VTI1A: variants seen among roughly 807,000 people sequenced by gnomAD.
The protein encoded by VTI1A is vesicle transport through interaction with t-SNAREs homolog 1A.
VTI1A carries 22 observed loss-of-function variants against 34.9 expected under a neutral mutation model. The ratio of observed to expected loss-of-function variants is 0.63; its 90% CI spans 0.45 to 0.90. VTI1A has a LOEUF of 0.90. Ranked by LOEUF, VTI1A falls within the 40% of genes least tolerant of loss-of-function variation. VTI1A has a pLI of 0.00. For missense variants in VTI1A, 268 were observed against 275.6 expected (o/e 0.97, Z 0.20); for synonymous variants, 87 against 97.3 (o/e 0.89, Z 0.62).
chr10:112,715,287 C>G (rs1378440046), intron 7 of VTI1A, among the ~76,000 whole-genome samples: 1 of 152,018 alleles, frequency 6.6e-6, no homozygotes, highest in African/African-American at 2.4e-5. Flanking sequence ...AATGAATAAT[C>G]TAAACACTGA....
intron 7 of VTI1A, among the ~76,000 whole-genome samples, chr10:112,759,502 C>T (rs1194995980): frequency 6.6e-6 from 1 of 152,172 alleles, no homozygotes; most frequent in South Asian, 2.1e-4. Flanking sequence ...ACCGAACCAA[C>T]GTTTAGCGAC....
chr10:112,486,624 T>C (rs943167351), intron 3 of VTI1A, among the ~76,000 whole-genome samples: 1 of 64,940 alleles, frequency 1.5e-5, no homozygotes, highest in Non-Finnish European at 3.7e-5. Flanking sequence ...CTGTACACAA[T>C]AATCATTAGA....
rs529974663 is a variant in VTI1A at position 112,616,084 on chromosome 10, A to G, written c.428-52134A>G. On this transcript the variant is annotated intron_variant, in intron 5 of 7. Coordinates refer to ENST00000393077, the MANE Select transcript of VTI1A (RefSeq NM_145206.4). Reference sequence around the variant, plus strand: ...ATTACTGGATATTAGATAAAAGTTTAAACATATTATTTAATGCATTGAAGG... The same window carrying G: ...ATTACTGGATATTAGATAAAAGTTTGAACATATTATTTAATGCATTGAAGG... 9.2e-5 allele frequency among the ~76,000 whole-genome samples: 14 copies of G among 152,324 alleles called. No homozygotes were observed. In the South Asian group the frequency reaches 2.9e-3, roughly 32 times the overall value.
intron 7 of VTI1A, among the ~76,000 whole-genome samples, chr10:112,761,456 C>G (rs140785125): frequency 6.6e-6 from 1 of 152,112 alleles, no homozygotes; most frequent in Non-Finnish European, 1.5e-5. Context: ...AGGAAAAAGC[C>G]TTGTTTGCTT....
At chr10:112,533,972 TC>T (rs1726828127) in intron 4 of VTI1A, among the ~76,000 whole-genome samples, 1 of 152,022 alleles carries the variant, frequency 6.6e-6, no homozygotes, top group South Asian at 2.1e-4. Context: ...TAAACTCCTT[TC>T]CCCCACCCAA....
At chr10:112,624,823 A>C (rs1036642731) in intron 5 of VTI1A, among the ~76,000 whole-genome samples, 1 of 152,190 alleles carries the variant, frequency 6.6e-6, no homozygotes, top group Non-Finnish European at 1.5e-5. Flanking sequence ...AGGGCCGGGC[A>C]TGGTAGCGCA....
chr10:112,538,273 A>C lies in VTI1A; in HGVS notation c.370A>C (p.Arg124=). 14 of 1,613,320 alleles carry C rather than the reference A, an allele frequency of 8.7e-6. No individual in the cohort carries two copies. The highest frequency in any genetic ancestry group is 1.1e-5 in the Non-Finnish European group (13 of 1,179,748). ...GGCACATCTGCTCGATAACACAGAG[A>C]GGCTGGAAAGGTCATCTCGGAGACT... The part of the protein sequence containing the change: ...QRAHLLDNTE[R]LERSSRRLEA... The change falls in exon 5 of 8, where the codon AGG becomes CGG. Residue 124 remains arginine, a synonymous_variant. Transcript: ENST00000393077.
Position 112,750,920 on chromosome 10 carries a change from A to G in VTI1A, c.561-64370A>G, listed in dbSNP as rs185984841. ...GTATCTCACTATCTTTGAGATAACAAAGGTTTCCACAGACACACGTACCAC... is the reference window on the plus strand; with the variant it reads ...GTATCTCACTATCTTTGAGATAACAGAGGTTTCCACAGACACACGTACCAC... On this transcript the variant is annotated intron_variant, in intron 7 of 7. Transcript: ENST00000393077. Among the ~76,000 whole-genome samples, 251 of 152,338 alleles carry G rather than the reference A, an allele frequency of 1.6e-3. 1 individual carries two copies. Among genetic ancestry groups the G allele is most frequent in the Admixed American group, 3.4e-3 (52 of 15,312 alleles).
At chr10:112,779,757 GGAAAA>G (rs1852058366) in intron 7 of VTI1A, among the ~76,000 whole-genome samples, 1 of 151,802 alleles carries the variant, frequency 6.6e-6, no homozygotes, top group Admixed American at 6.6e-5. Flanking sequence ...TAGAATAATC[GGAAAA>G]TAGGCATCTG....
At chr10:112,481,293 A>G (rs2134097407) in intron 3 of VTI1A, among the ~76,000 whole-genome samples, 1 of 152,320 alleles carries the variant, frequency 6.6e-6, no homozygotes, top group East Asian at 1.9e-4. Context: ...GTTGGGGAAA[A>G]CAGAGAAGCC....
intron 5 of VTI1A, among the ~76,000 whole-genome samples, chr10:112,557,766 T>G (rs1851586772): frequency 2.6e-5 from 4 of 152,190 alleles, no homozygotes; most frequent in Non-Finnish European, 1.5e-5. Flanking sequence ...TTTAGATAAC[T>G]GCATATGAAA....
chr10:112,829,879 T>C, the VTI1A span, among the ~76,000 whole-genome samples: 3 of 152,186 alleles, frequency 2.0e-5, no homozygotes, highest in African/African-American at 7.2e-5. Context: ...AAGTGAGGCA[T>C]CTAGAATGTA....
At chr10:112,454,860 G>A (rs1388033589) in intron 1 of VTI1A, among the ~76,000 whole-genome samples, 1 of 151,988 alleles carries the variant, frequency 6.6e-6, no homozygotes, top group East Asian at 1.9e-4. Context: ...GAACTTTCAG[G>A]AAATAATTTA....
intron 5 of VTI1A, among the ~76,000 whole-genome samples, chr10:112,540,114 C>T (rs1197193170): frequency 6.6e-6 from 1 of 152,156 alleles, no homozygotes; most frequent in Non-Finnish European, 1.5e-5. Flanking sequence ...GTTGATTGGG[C>T]TACATACTTG....
intron 1 of VTI1A, among the ~76,000 whole-genome samples, chr10:112,451,591 G>A (rs1260056886): frequency 2.6e-5 from 4 of 152,192 alleles, no homozygotes; most frequent in Admixed American, 6.5e-5. Context: ...GGGGGCAGTC[G>A]GAGGAGAGAA....
intron 7 of VTI1A, among the ~76,000 whole-genome samples, chr10:112,811,585 G>A (rs980617790): frequency 2.0e-5 from 3 of 151,420 alleles, no homozygotes; most frequent in African/African-American, 7.3e-5. Flanking sequence ...TCGGGAGGCT[G>A]AGGCGGGAGA....
At chr10:112,545,480 ATGGTATT>A (rs771710381) in intron 5 of VTI1A, among the ~76,000 whole-genome samples, 1 of 152,204 alleles carries the variant, frequency 6.6e-6, no homozygotes, top group Non-Finnish European at 1.5e-5. Context: ...TCACAAAACT[ATGGTATT>A]TCTTTTTTCT....
intron 5 of VTI1A, among the ~76,000 whole-genome samples, chr10:112,561,182 A>G (rs888519259): frequency 2.6e-5 from 4 of 152,234 alleles, no homozygotes; most frequent in Admixed American, 1.3e-4. Flanking sequence ...ATACTCATTA[A>G]TAAGCATTTG....
In VTI1A at chr10:112,546,015, T is replaced by TATACGTGTATACGCATATGTGTGTGC. The variant is rs1564821397; in HGVS notation, c.427+7688_427+7689insCGTGTATACGCATATGTGTGTGCATA. ...ATACGTGTATACGCGTATGTGTGTGTATATACGTGTATACGCGTATGTGTG... is the reference window on the plus strand; with the variant it reads ...ATACGTGTATACGCGTATGTGTGTGTATACGTGTATACGCATATGTGTGTGCATATACGTGTATACGCGTATGTGTG... On this transcript the variant is annotated intron_variant, in intron 5 of 7. Transcript: ENST00000393077. Among the ~76,000 whole-genome samples, 24 of 135,516 alleles carry TATACGTGTATACGCATATGTGTGTGC rather than the reference T, an allele frequency of 1.8e-4. 1 individual carries two copies. The highest frequency in any genetic ancestry group is 3.6e-4 in the Non-Finnish European group (23 of 63,764). The allele number at this position is 135,516 out of a possible 152,430, so 88.9% of individuals were successfully genotyped here. A position where few individuals can be genotyped will look rare whatever the true frequency, so the allele number is the denominator to read the frequency against.
Sources: allele counts gnomAD v4.1 joint callset (sites outside exome capture counted in the v4.1 genomes callset), GRCh38; gene constraint gnomAD v4.1.1; transcripts MANE v1.5; gene names NCBI Gene and HGNC (gene_info 2026-07-23, HGNC 2026-07-21).